Variants in DMD observed in about 807,000 individuals in gnomAD.
DMD encodes mutant dystrophin.
Under a neutral mutation model 330.1 loss-of-function variants are expected in DMD, and 63 were observed. That is an observed-to-expected ratio of 0.19 (90% CI 0.16 to 0.24). The LOEUF (loss-of-function observed/expected upper bound fraction) is 0.24. Ranked by LOEUF, DMD falls within the 10% of genes least tolerant of loss-of-function variation. DMD has a pLI of 1.00. For missense variants in DMD, 3,344 were observed against 2,684.1 expected, an observed-to-expected ratio of 1.25 and a Z score of -5.43; for synonymous variants, 1,223 against 959.8, an observed-to-expected ratio of 1.27 and a Z score of -5.07.
At position 32,636,720 on chromosome X, in the gene DMD, G is replaced by A. The variant is rs182004721; in HGVS notation, c.1331+7412C>T. 1.5e-4 allele frequency among the ~76,000 whole-genome samples: 17 copies of A among 111,827 alleles called. No individual in the cohort carries two copies. The East Asian group carries it at 3.7e-3, about 24-fold the overall frequency. On this transcript the variant is annotated intron_variant, in intron 11 of 78. Transcript: ENST00000357033. ...GGATGCAAAAGATTCTTGGCCAGGC[G>A]TGGTGGCTCATGCCTGTAATCCCAG...
At position 32,699,144 on chromosome X, in the gene DMD, G is replaced by C; in HGVS notation, c.799C>G (p.Gln267Glu). Residue 267 changes from glutamine to glutamate, a missense_variant, in exon 8 of 79, where the codon CAG becomes GAG. Transcript: ENST00000357033. The part of the protein sequence containing the change: ...PPKVTKEEHF[Q>E]LHHQMHYSQQ... ...GAATAGTGCATTTGATGATGTAACT[G>C]AAAATGTTCTTCTTTAGTCACTTTA... 1 of 1,210,308 alleles carries C rather than the reference G, an allele frequency of 8.3e-7. No homozygotes were observed. The highest frequency in any genetic ancestry group is 1.8e-5 in the South Asian group (1 of 56,965).
At chrX:32,375,552 A>G (rs2097898786) in intron 34 of DMD, among the ~76,000 whole-genome samples, 1 of 112,131 alleles carries the variant, frequency 8.9e-6, no homozygotes, top group African/African-American at 3.2e-5. Flanking sequence ...CAGAAAGTAT[A>G]CCAAATGTAA....
chrX:33,082,535 T>C (rs949965310), intron 1 of DMD, among the ~76,000 whole-genome samples: 2 of 112,323 alleles, frequency 1.8e-5, no homozygotes, highest in African/African-American at 6.5e-5. Flanking sequence ...GCCACCACTG[T>C]CAAAAGACAA....
At chrX:32,664,445 G>A (rs1264284247) in intron 9 of DMD, among the ~76,000 whole-genome samples, 3 of 109,856 alleles carry the variant, frequency 2.7e-5, no homozygotes, top group African/African-American at 1.0e-4. Context: ...GTTTCACCGT[G>A]TTAGCCAGGA....
At chrX:33,022,000 A>C (rs2093923071) in intron 1 of DMD, among the ~76,000 whole-genome samples, 1 of 112,162 alleles carries the variant, frequency 8.9e-6, no homozygotes, top group African/African-American at 3.2e-5. Flanking sequence ...TCAAATGGTC[A>C]AAATTAAACC....
intron 78 of DMD, among the ~76,000 whole-genome samples, chrX:31,122,767 C>CTAAT (rs1210007342): frequency 5.4e-5 from 6 of 111,659 alleles, no homozygotes; most frequent in Non-Finnish European, 9.4e-5. Flanking sequence ...TAGCCTTTTA[C>CTAAT]TAATAATGCA....
At chrX:32,907,192 G>A (rs1302327550) in intron 2 of DMD, among the ~76,000 whole-genome samples, 1 of 111,828 alleles carries the variant, frequency 8.9e-6, no homozygotes, top group African/African-American at 3.2e-5. Context: ...ATTTCATTGC[G>A]TGAAACAGGT....
intron 30 of DMD, among the ~76,000 whole-genome samples, chrX:32,401,266 G>T (rs1449951870): frequency 1.8e-5 from 2 of 109,337 alleles, no homozygotes; most frequent in Non-Finnish European, 3.8e-5. Context: ...CACCAGCATG[G>T]CACATGTATA....
intron 55 of DMD, among the ~76,000 whole-genome samples, chrX:31,556,058 G>A (rs768900022): frequency 9.0e-6 from 1 of 110,512 alleles, no homozygotes; most frequent in South Asian, 3.9e-4. Context: ...TTTATGATAG[G>A]TGAAGTTTAA....
chrX:32,472,162 A>G lies in DMD; in HGVS notation c.2949+2T>C, dbSNP rs2040709857. On this transcript the variant is annotated splice_donor_variant, in intron 22 of 78. Transcript: ENST00000357033. LOFTEE classifies it high-confidence loss of function. ...TGTTTTGACATTCAAATATTCACAGACCTGCAATTCCCCGAGTCTCTGCTC... is the reference window on the plus strand; with the variant it reads ...TGTTTTGACATTCAAATATTCACAGGCCTGCAATTCCCCGAGTCTCTGCTC... 3 of 1,209,268 alleles carry G rather than the reference A, an allele frequency of 2.5e-6. No individual in the cohort carries two copies. The African/African-American group carries it at 5.3e-5, about 21-fold the overall frequency.
chrX:32,539,558 G>C (rs1019804990), intron 17 of DMD, among the ~76,000 whole-genome samples: 1 of 109,982 alleles, frequency 9.1e-6, no homozygotes, highest in Non-Finnish European at 1.9e-5. Flanking sequence ...TATCTAATTA[G>C]GTCCTTCAAA....
At chrX:31,637,513 G>A (rs1739143514) in intron 54 of DMD, among the ~76,000 whole-genome samples, 1 of 110,915 alleles carries the variant, frequency 9.0e-6, no homozygotes, top group Admixed American at 9.6e-5. Context: ...ACTTACTATA[G>A]TCTGGATATT....
intron 34 of DMD, among the ~76,000 whole-genome samples, chrX:32,372,053 C>T (rs943349870): frequency 9.0e-6 from 1 of 111,119 alleles, no homozygotes; most frequent in African/African-American, 3.3e-5. Context: ...TGAAATCAGG[C>T]ATAGTATTAC....
intron 9 of DMD, 97 bp from the exon 10 acceptor site, chrX:32,645,249 A>G: frequency 6.4e-6 from 6 of 944,809 alleles, no homozygotes; most frequent in Non-Finnish European, 8.9e-6. Flanking sequence ...TTAAAATGCT[A>G]GGACTGTCCA....
chrX:32,134,743 T>C (rs1291847246), intron 44 of DMD, among the ~76,000 whole-genome samples: 1 of 111,741 alleles, frequency 8.9e-6, no homozygotes, highest in East Asian at 2.8e-4. Flanking sequence ...TTGCCACTTG[T>C]ATAAGTCAGA....
intron 9 of DMD, among the ~76,000 whole-genome samples, chrX:32,664,183 A>C (rs999355339): frequency 9.2e-6 from 1 of 109,210 alleles, no homozygotes; most frequent in Admixed American, 9.8e-5. Flanking sequence ...CCATGTAAGT[A>C]GTCAGAAGTG....
intron 11 of DMD, among the ~76,000 whole-genome samples, chrX:32,619,819 C>A (rs762180895): frequency 4.5e-5 from 5 of 111,423 alleles, no homozygotes; most frequent in African/African-American, 1.6e-4. Flanking sequence ...AGACAACTGA[C>A]CTAGCATCCC....
chrX:32,103,008 G>A (rs1341921549), intron 44 of DMD, among the ~76,000 whole-genome samples: 6 of 111,722 alleles, frequency 5.4e-5, no homozygotes, highest in South Asian at 7.5e-4. Context: ...TTAACCCAAC[G>A]GAGCTGCATT....
At chrX:31,684,170 G>A (rs1056513928) in intron 52 of DMD, among the ~76,000 whole-genome samples, 4 of 111,588 alleles carry the variant, frequency 3.6e-5, no homozygotes, top group African/African-American at 9.8e-5. Context: ...TCTTACTGTA[G>A]GAGATTAAAA....
Sources: gnomAD v4.1 joint callset for allele counts (sites outside exome capture counted in the v4.1 genomes callset) on GRCh38, gnomAD v4.1.1 for gene constraint, MANE v1.5 for transcripts, NCBI Gene and HGNC (gene_info 2026-07-23, HGNC 2026-07-21) for gene names.